Variants in TASP1 observed in about 807,000 individuals in gnomAD.
TASP1 encodes threonine aspartase 1.
Under a neutral mutation model 56.6 loss-of-function variants are expected in TASP1, and 16 were observed. The observed-to-expected ratio is 0.28, with a 90% CI of 0.19 to 0.43. TASP1 has a LOEUF of 0.43. Among genes scored for constraint, TASP1 ranks in the 20% least tolerant of loss-of-function variants. The probability of loss-of-function intolerance (pLI) is 1.00; values close to 1 mark genes in which losing one functional copy is unlikely to be tolerated. For missense variants in TASP1, 393 were observed against 511.6 expected, an observed-to-expected ratio of 0.77 and a Z score of 2.24; for synonymous variants, 179 against 184.2, an observed-to-expected ratio of 0.97 and a Z score of 0.23.
intron 11 of TASP1, among the ~76,000 whole-genome samples, chr20:13,479,359 A>T (rs1296912690): frequency 6.6e-6 from 1 of 152,166 alleles, no homozygotes; most frequent in Non-Finnish European, 1.5e-5. Context: ...TACCTCCATC[A>T]TTGGCTGAAA....
chr20:13,334,936 C>A, the TASP1 span, among the ~76,000 whole-genome samples: 1 of 152,140 alleles, frequency 6.6e-6, no homozygotes, highest in African/African-American at 2.4e-5. Context: ...ATTACCTTGG[C>A]AGAATAAAGC....
At chr20:13,293,921 T>G in the TASP1 span, among the ~76,000 whole-genome samples, 2 of 150,620 alleles carry the variant, frequency 1.3e-5, no homozygotes, top group African/African-American at 4.9e-5. Flanking sequence ...TTGCAGTGAG[T>G]CGAGATCACA....
intron 11 of TASP1, among the ~76,000 whole-genome samples, chr20:13,441,923 A>G (rs1315065182): frequency 6.6e-6 from 1 of 152,222 alleles, no homozygotes; most frequent in African/African-American, 2.4e-5. Flanking sequence ...CATCCCAGCC[A>G]TGGCCATATC....
chr20:13,446,679 G>A (rs1446605664), intron 11 of TASP1, among the ~76,000 whole-genome samples: 8 of 151,768 alleles, frequency 5.3e-5, no homozygotes, highest in Non-Finnish European at 5.9e-5. Context: ...ATAAAGTCAC[G>A]AAAAAAAGTT....
At chr20:13,323,701 A>G in the TASP1 span, among the ~76,000 whole-genome samples, 1 of 152,222 alleles carries the variant, frequency 6.6e-6, no homozygotes, top group African/African-American at 2.4e-5. Flanking sequence ...GACTACTCCC[A>G]GAGTTAATTA....
chr20:13,229,534 T>C, the TASP1 span, among the ~76,000 whole-genome samples: 1 of 152,242 alleles, frequency 6.6e-6, no homozygotes, highest in African/African-American at 2.4e-5. Flanking sequence ...GATAGTCCAC[T>C]GTGTAACTCT....
At position 13,597,708 on chromosome 20, in the gene TASP1, A is replaced by G. The variant is rs976596192; in HGVS notation, c.283-10338T>C. Among the ~76,000 whole-genome samples, 32 of 152,198 alleles carry G rather than the reference A, an allele frequency of 2.1e-4. 1 individual carries two copies. Among genetic ancestry groups the G allele is most frequent in the Admixed American group, 1.0e-3 (16 of 15,280 alleles). On this transcript the variant is annotated intron_variant, in intron 4 of 13. Coordinates refer to ENST00000337743, the MANE Select transcript of TASP1 (RefSeq NM_017714.3). ...GCAATCAGGCAGGAGAAAGAAATAA[A>G]GGGTATTCAATTAGGAAAAGAAGAA...
chr20:13,393,130 CCACCAACTGCTTAG>C, intron 13 of TASP1: 1 of 649,046 alleles, frequency 1.5e-6, no homozygotes, highest in Non-Finnish European at 2.9e-6. Context: ...GCCTCCTGTA[CCACCAACTGCTTAG>C]CACCCCTGGC....
chr20:13,137,794 C>T, the TASP1 span, among the ~76,000 whole-genome samples: 4 of 152,188 alleles, frequency 2.6e-5, no homozygotes, highest in African/African-American at 9.7e-5. Flanking sequence ...TCCGTGATTT[C>T]CCAGAGACTT....
At chr20:13,597,135 C>T (rs1032227215) in intron 4 of TASP1, among the ~76,000 whole-genome samples, 3 of 152,200 alleles carry the variant, frequency 2.0e-5, no homozygotes, top group African/African-American at 4.8e-5. Flanking sequence ...CCTTCTGAAA[C>T]TATTCCAATC....
the TASP1 span, among the ~76,000 whole-genome samples, chr20:13,311,232 AGATAGATAGAT>A: frequency 8.7e-6 from 1 of 115,486 alleles, no homozygotes; most frequent in African/African-American, 3.3e-5. Flanking sequence ...ATAGATAGAT[AGATAGATAGAT>A]GATAGATAGA....
chr20:13,367,595 C>T, the TASP1 span, among the ~76,000 whole-genome samples: 1 of 152,156 alleles, frequency 6.6e-6, no homozygotes, highest in Admixed American at 6.5e-5. Flanking sequence ...ACAGAATAAC[C>T]ATCCATTTGG....
At chr20:13,626,867 A>T (rs180732773) in intron 2 of TASP1, among the ~76,000 whole-genome samples, 1 of 151,964 alleles carries the variant, frequency 6.6e-6, no homozygotes, top group Non-Finnish European at 1.5e-5. Context: ...CTTAACATGT[A>T]AATCCTTTTG....
rs780712206 is a variant in TASP1 at position 13,417,468 on chromosome 20, C to A, written c.1150G>T (p.Ala384Ser). 2.5e-6 allele frequency: 4 copies of A among 1,614,152 alleles called. No individual in the cohort carries two copies. Among genetic ancestry groups the A allele is most frequent in the Non-Finnish European group, 3.4e-6 (4 of 1,180,006 alleles). ...TESMCVGYMS[A>S]QDGKAKTHIS... ...CTTACCTTGGCTTTCCCATCCTGGG[C>A]TGACATATATCCGACACACATGCTC... Residue 384 changes from alanine to serine, a missense_variant, in exon 13 of 14, where the codon GCC becomes TCC. Physicochemically the swap from Ala to Ser is moderately conservative, Grantham distance 99. Around this residue, in one of 3 missense-constraint regions of TASP1, gnomAD observed 293 missense variants for 354.2 expected, o/e 0.83. Coordinates refer to ENST00000337743, the MANE Select transcript of TASP1 (RefSeq NM_017714.3).
the TASP1 span, chr20:13,168,999 C>G: frequency 6.9e-6 from 1 of 144,450 alleles, no homozygotes; most frequent in African/African-American, 2.5e-5. Context: ...GTGAGAAGGA[C>G]AGAGAGAAAT....
intron 11 of TASP1, among the ~76,000 whole-genome samples, chr20:13,444,720 A>G (rs774651305): frequency 3.3e-5 from 5 of 152,162 alleles, no homozygotes; most frequent in African/African-American, 7.2e-5. Context: ...AAAAATCCCA[A>G]TGGAATGATG....
the TASP1 span, among the ~76,000 whole-genome samples, chr20:13,312,414 G>GA: frequency 1.3e-5 from 2 of 152,180 alleles, no homozygotes; most frequent in African/African-American, 4.8e-5. Context: ...CAGCCTTGCT[G>GA]GTTCCTCCAA....
chr20:13,288,454 A>C, the TASP1 span: 1 of 1,407,090 alleles, frequency 7.1e-7, no homozygotes. Flanking sequence ...AGAAGGATAG[A>C]AGTGAATAAT....
intron 2 of TASP1, among the ~76,000 whole-genome samples, chr20:13,625,984 T>A (rs2048873467): frequency 6.6e-6 from 1 of 152,156 alleles, no homozygotes; most frequent in South Asian, 2.1e-4. Context: ...TTAAGAATAA[T>A]CTAAACAAGA....
Sources: allele counts gnomAD v4.1 joint callset (sites outside exome capture counted in the v4.1 genomes callset), GRCh38; gene constraint gnomAD v4.1.1; regional missense constraint gnomAD v4.1.1; transcripts MANE v1.5; gene names NCBI Gene and HGNC (gene_info 2026-07-23, HGNC 2026-07-21).